RAB38: variants seen among roughly 807,000 people sequenced by gnomAD.
RAB38 encodes the protein RAB38, member RAS oncogene family, also known as ras-related protein Rab-38.
In RAB38, 15 loss-of-function variants were observed where a neutral mutation model predicts 18.4. The observed-to-expected ratio is 0.82, with a 90% CI of 0.55 to 1.26. RAB38 has a LOEUF of 1.26. Ranked by LOEUF, RAB38 falls within the 50% of genes most tolerant of loss-of-function variation. The probability of loss-of-function intolerance (pLI) is 0.00; values close to 1 mark genes in which losing one functional copy is unlikely to be tolerated. For missense variants in RAB38, 294 were observed against 267.4 expected, an observed-to-expected ratio of 1.10 and a Z score of -0.69; for synonymous variants, 101 against 104.4, an observed-to-expected ratio of 0.97 and a Z score of 0.20.
At chr11:87,940,179 A>AAG in the RAB38 span, among the ~76,000 whole-genome samples, 16 of 151,154 alleles carry the variant, frequency 1.1e-4, no homozygotes, top group East Asian at 7.8e-4. Context: ...AAAAAAAAAA[A>AAG]AGAGAGAGAG....
the RAB38 span, among the ~76,000 whole-genome samples, chr11:88,032,779 G>A: frequency 8.4e-3 from 1,282 of 152,252 alleles, 17 homozygotes; most frequent in African/African-American, 0.03. Flanking sequence ...ACTGTTGGTG[G>A]GACTGTAAAC....
chr11:87,871,091 A>G, the RAB38 span, among the ~76,000 whole-genome samples: 1 of 151,682 alleles, frequency 6.6e-6, no homozygotes, highest in Non-Finnish European at 1.5e-5. Context: ...TAAAAATTAA[A>G]GCAAACAAAT....
chr11:88,162,345 A>G (rs181133991), intron 1 of RAB38, among the ~76,000 whole-genome samples: 3 of 152,254 alleles, frequency 2.0e-5, no homozygotes, highest in Non-Finnish European at 2.9e-5. Flanking sequence ...AAGCCACCCC[A>G]TAGCCAGAAC....
the RAB38 span, among the ~76,000 whole-genome samples, chr11:87,863,438 T>C: frequency 1.1e-4 from 17 of 151,914 alleles, no homozygotes; most frequent in Admixed American, 1.1e-3. Context: ...TGTCTCACAC[T>C]TCACCAGCAA....
chr11:87,956,317 A>ACAGAG, the RAB38 span, among the ~76,000 whole-genome samples: 1 of 152,198 alleles, frequency 6.6e-6, no homozygotes, highest in Non-Finnish European at 1.5e-5. Flanking sequence ...ATAAAATTAC[A>ACAGAG]CAGAGCATAA....
intron 2 of RAB38, among the ~76,000 whole-genome samples, chr11:88,118,566 A>C (rs1431146728): frequency 6.6e-6 from 1 of 152,202 alleles, no homozygotes; most frequent in Non-Finnish European, 1.5e-5. Flanking sequence ...GGAAATTTTC[A>C]TTTGCATTTA....
At chr11:87,844,475 A>C in the RAB38 span, among the ~76,000 whole-genome samples, 1 of 152,180 alleles carries the variant, frequency 6.6e-6, no homozygotes, top group Non-Finnish European at 1.5e-5. Context: ...AAATTGAGGC[A>C]CAGATAGATT....
chr11:87,821,157 T>C, the RAB38 span, among the ~76,000 whole-genome samples: 1 of 152,176 alleles, frequency 6.6e-6, no homozygotes, highest in Admixed American at 6.5e-5. Context: ...GTAGGACTTT[T>C]AAAAAGCCGG....
rs1942498663 is a variant in RAB38, at chr11:88,113,317, G to GTATATA, written c.*670_*671insTATATA. On this transcript the variant is annotated 3_prime_UTR_variant, in exon 3 of 3. Coordinates refer to ENST00000243662, the MANE Select transcript of RAB38 (RefSeq NM_022337.3). ...AAAATATATATAATATATATTACAT[G>GTATATA]TATAGCATGTATAGAGGAGCCCCAC... 2.0e-5 allele frequency: 3 copies of GTATATA among 152,392 alleles called. No individual in the cohort carries two copies. The highest frequency in any genetic ancestry group is 4.4e-5 in the Non-Finnish European group (3 of 68,020). 9.4% of individuals were successfully genotyped at this position (152,392 alleles called of 1,614,324 possible).
At chr11:87,891,927 T>A in the RAB38 span, among the ~76,000 whole-genome samples, 1 of 151,860 alleles carries the variant, frequency 6.6e-6, no homozygotes, top group Admixed American at 6.6e-5. Context: ...CACAACTGAA[T>A]GAAACCCTGC....
the RAB38 span, among the ~76,000 whole-genome samples, chr11:87,849,506 C>A: frequency 6.6e-6 from 1 of 152,024 alleles, no homozygotes; most frequent in South Asian, 2.1e-4. Context: ...TCAGGTCATG[C>A]CAATAGTGTC....
intron 2 of RAB38, among the ~76,000 whole-genome samples, chr11:88,120,651 T>C (rs1050368047): frequency 6.6e-6 from 1 of 152,192 alleles, no homozygotes; most frequent in African/African-American, 2.4e-5. Flanking sequence ...AGGGAGCTCC[T>C]AAGATTGTGT....
At chr11:87,858,797 T>C in the RAB38 span, among the ~76,000 whole-genome samples, 19,787 of 151,890 alleles carry the variant, frequency 0.13, 1,675 homozygotes, top group African/African-American at 0.22. Flanking sequence ...GTCCTAACTT[T>C]AGTTTGCAGT....
chr11:87,951,758 GTT>G, the RAB38 span, among the ~76,000 whole-genome samples: 1 of 152,286 alleles, frequency 6.6e-6, no homozygotes, highest in East Asian at 1.9e-4. Context: ...TCCTCTGGAA[GTT>G]TTGTCTCAGA....
chr11:87,898,757 T>C, the RAB38 span, among the ~76,000 whole-genome samples: 2 of 151,566 alleles, frequency 1.3e-5, no homozygotes, highest in Admixed American at 6.6e-5. Flanking sequence ...TGCTTTCAGG[T>C]TTTTAAAGGG....
At chr11:87,807,628 G>T in the RAB38 span, among the ~76,000 whole-genome samples, 1 of 152,194 alleles carries the variant, frequency 6.6e-6, no homozygotes, top group East Asian at 1.9e-4. Flanking sequence ...AAAGGGACAT[G>T]AATATCATAA....
chr11:88,058,532 C>T, the RAB38 span, among the ~76,000 whole-genome samples: 1 of 152,102 alleles, frequency 6.6e-6, no homozygotes, highest in African/African-American at 2.4e-5. Context: ...AGAATAATAC[C>T]TTCTCTAAGA....
chr11:88,024,159 T>G, the RAB38 span, among the ~76,000 whole-genome samples: 6 of 152,124 alleles, frequency 3.9e-5, no homozygotes, highest in Non-Finnish European at 8.8e-5. Flanking sequence ...GACAAGGGAT[T>G]AGTAATAACC....
the RAB38 span, among the ~76,000 whole-genome samples, chr11:87,878,858 A>G: frequency 6.6e-6 from 1 of 151,650 alleles, no homozygotes; most frequent in African/African-American, 2.4e-5. Flanking sequence ...TTTTTATCCT[A>G]CCTCATTATA....
Sources: gnomAD v4.1 joint callset for allele counts (sites outside exome capture counted in the v4.1 genomes callset) on GRCh38, gnomAD v4.1.1 for gene constraint, MANE v1.5 for transcripts, NCBI Gene and HGNC (gene_info 2026-07-23, HGNC 2026-07-21) for gene names.